The following NKAIN2 variants were observed in gnomAD, a reference collection of about 807,000 sequenced individuals.
NKAIN2 encodes sodium/potassium transporting ATPase interacting 2.
NKAIN2 carries 14 observed loss-of-function variants against 32.6 expected under a neutral mutation model. The ratio of observed to expected loss-of-function variants is 0.43; its 90% CI spans 0.28 to 0.67. NKAIN2 has a LOEUF of 0.67. NKAIN2 is among the 30% of genes least tolerant of loss of function. The probability of loss-of-function intolerance (pLI) is 0.17; values close to 1 mark genes in which losing one functional copy is unlikely to be tolerated. For missense variants in NKAIN2, 198 were observed against 258.3 expected (o/e 0.77, Z 1.60); for synonymous variants, 80 against 87.2 (o/e 0.92, Z 0.46).
rs1054213450 is a variant in NKAIN2 at position 124,036,006 on chromosome 6, C to T, written c.54+231752C>T. On this transcript the variant is annotated intron_variant, in intron 1 of 6. Coordinates refer to ENST00000368417, the MANE Select transcript of NKAIN2 (RefSeq NM_001040214.3). The stretch of plus-strand genomic sequence containing the variant: ...TGATAACATAAACTCAGTTTAGAAT[C>T]ATTTGGTATTAAAAGAATAAGTAAT... 2.0e-5 allele frequency among the ~76,000 whole-genome samples: 3 copies of T among 152,056 alleles called. No homozygotes were observed. The East Asian group carries it at 5.8e-4, about 29-fold the overall frequency.
chr6:124,497,729 A>G (rs1778115664), intron 3 of NKAIN2, among the ~76,000 whole-genome samples: 1 of 151,682 alleles, frequency 6.6e-6, no homozygotes, highest in African/African-American at 2.4e-5. Context: ...CAAAGCTTAC[A>G]TAAAAAAAAA....
intron 3 of NKAIN2, among the ~76,000 whole-genome samples, chr6:124,501,190 C>T (rs1778277312): frequency 6.6e-6 from 1 of 152,126 alleles, no homozygotes; most frequent in Non-Finnish European, 1.5e-5. Context: ...AACCACTGCA[C>T]CTCTACAGTG....
chr6:124,788,901 TAGC>T (rs1779622915), intron 4 of NKAIN2, among the ~76,000 whole-genome samples: 1 of 152,082 alleles, frequency 6.6e-6, no homozygotes, highest in African/African-American at 2.4e-5. Context: ...AATTGGAAGA[TAGC>T]AGAGTTTATG....
intron 3 of NKAIN2, among the ~76,000 whole-genome samples, chr6:124,609,996 C>G (rs542676345): frequency 6.6e-6 from 1 of 152,180 alleles, no homozygotes; most frequent in South Asian, 2.1e-4. Context: ...AGAGTTGTAA[C>G]TATATAGTAA....
chr6:124,197,053 T>A (rs1790350119), intron 1 of NKAIN2, among the ~76,000 whole-genome samples: 1 of 151,580 alleles, frequency 6.6e-6, no homozygotes, highest in Non-Finnish European at 1.5e-5. Context: ...CTTATTGGTA[T>A]CATAGTCAAT....
intron 1 of NKAIN2, among the ~76,000 whole-genome samples, chr6:123,935,949 T>C (rs940260724): frequency 1.3e-5 from 2 of 152,048 alleles, no homozygotes; most frequent in African/African-American, 4.8e-5. Flanking sequence ...AGAAAAAGCA[T>C]AAAAGAATAA....
chr6:124,420,027 A>G (rs1400430586), intron 3 of NKAIN2, among the ~76,000 whole-genome samples: 3 of 152,156 alleles, frequency 2.0e-5, no homozygotes, highest in Non-Finnish European at 2.9e-5. Context: ...AAGAAGAATT[A>G]GAAAAAATAT....
At chr6:124,437,921 G>C (rs1278223998) in intron 3 of NKAIN2, 3 of 387,362 alleles carry the variant, frequency 7.7e-6, no homozygotes, top group Non-Finnish European at 1.5e-5. Context: ...CTGATGGTAA[G>C]TTCTGATTTT....
chr6:123,846,677 GA>G (rs1307696038), intron 1 of NKAIN2, among the ~76,000 whole-genome samples: 6 of 152,144 alleles, frequency 3.9e-5, no homozygotes, highest in Non-Finnish European at 7.3e-5. Context: ...TCAGATAAAA[GA>G]AATAGCAAGC....
intron 3 of NKAIN2, among the ~76,000 whole-genome samples, chr6:124,515,707 C>CTG (rs1778883948): frequency 2.9e-4 from 1 of 3,402 alleles, no homozygotes; most frequent in African/African-American, 3.1e-4. Flanking sequence ...TTTTTCTTCG[C>CTG]TTTCTCTCCG....
At chr6:124,216,061 T>C (rs184522553) in intron 1 of NKAIN2, among the ~76,000 whole-genome samples, 4 of 144,684 alleles carry the variant, frequency 2.8e-5, no homozygotes. Context: ...GAGGTTGCAG[T>C]GAGCCGAGAT....
chr6:124,784,212 A>T (rs914349093), intron 4 of NKAIN2, among the ~76,000 whole-genome samples: 4 of 152,200 alleles, frequency 2.6e-5, no homozygotes, highest in Admixed American at 2.6e-4. Context: ...ATATGAAATA[A>T]AATGAGAGAT....
chr6:124,515,124 C>G (rs1377048408), intron 3 of NKAIN2, among the ~76,000 whole-genome samples: 1 of 152,008 alleles, frequency 6.6e-6, no homozygotes, highest in African/African-American at 2.4e-5. Context: ...AATAGAGAAT[C>G]TTTATTCACA....
intron 3 of NKAIN2, among the ~76,000 whole-genome samples, chr6:124,497,769 T>C (rs1384840497): frequency 2.7e-5 from 4 of 149,900 alleles, no homozygotes; most frequent in African/African-American, 7.3e-5. Context: ...TTTTAATTAA[T>C]GTATTTCTAC....
At chr6:124,434,009 T>C (rs1278862701) in intron 3 of NKAIN2, among the ~76,000 whole-genome samples, 2 of 152,176 alleles carry the variant, frequency 1.3e-5, no homozygotes, top group African/African-American at 2.4e-5. Context: ...TGAGATGCTA[T>C]AGACATTACA....
At chr6:124,775,652 A>G (rs972833624) in intron 4 of NKAIN2, among the ~76,000 whole-genome samples, 3 of 152,094 alleles carry the variant, frequency 2.0e-5, no homozygotes, top group Non-Finnish European at 4.4e-5. Flanking sequence ...ATTGCATGTG[A>G]CTATAAAGAG....
chr6:124,176,015 AG>A (rs1183933444), intron 1 of NKAIN2, among the ~76,000 whole-genome samples: 1 of 152,142 alleles, frequency 6.6e-6, no homozygotes, highest in Non-Finnish European at 1.5e-5. Flanking sequence ...CTTACCTCAG[AG>A]ATATTGTAGT....
intron 4 of NKAIN2, among the ~76,000 whole-genome samples, chr6:124,711,524 AT>A (rs1228255624): frequency 3.3e-5 from 5 of 150,324 alleles, no homozygotes; most frequent in African/African-American, 1.2e-4. Context: ...ATTTCTTTTT[AT>A]TCTTTTTTCT....
At chr6:124,686,739 A>G (rs541793500) in intron 4 of NKAIN2, among the ~76,000 whole-genome samples, 2 of 152,272 alleles carry the variant, frequency 1.3e-5, no homozygotes, top group Admixed American at 1.3e-4. Context: ...AAAGCAAGTC[A>G]TATGGCCATA....
Sources: allele counts gnomAD v4.1 joint callset (sites outside exome capture counted in the v4.1 genomes callset), GRCh38; gene constraint gnomAD v4.1.1; transcripts MANE v1.5; gene names NCBI Gene and HGNC (gene_info 2026-07-23, HGNC 2026-07-21).